CSTF1: variants seen among roughly 807,000 people sequenced by gnomAD.
The protein encoded by CSTF1 is cleavage stimulation factor subunit 1, also known as CF-1 50 kDa subunit.
A neutral mutation model predicts 40.9 loss-of-function variants in CSTF1; 2 were observed. That is an observed-to-expected ratio of 0.05 (90% CI 0.02 to 0.15). CSTF1 has a LOEUF of 0.15. Among genes scored for constraint, CSTF1 ranks in the 10% least tolerant of loss-of-function variants. The probability of loss-of-function intolerance (pLI) is 1.00; values close to 1 mark genes in which losing one functional copy is unlikely to be tolerated. For synonymous variants in CSTF1, 218 were observed against 207.2 expected (o/e 1.05, Z -0.45); for missense variants, 279 against 558.9 (o/e 0.50, Z 5.05).
In CSTF1 at chr20:56,397,273, C is replaced by T; in HGVS notation, c.236C>T (p.Thr79Ile). Residue 79 changes from threonine to isoleucine, a missense_variant, in exon 3 of 6, where the codon ACA (threonine) becomes ATA (isoleucine). Transcript: ENST00000217109. The surrounding 1 kb of genome is among the most constrained non-coding windows in gnomAD (Gnocchi z 4.4). ...IGRSDTVAPG[T>I]GIDLEFDADV... The stretch of plus-strand genomic sequence containing the variant: ...CGTTCAGATACTGTTGCCCCTGGCA[C>T]AGGGATTGACCTGGAATTTGATGCA... 13 of 1,614,232 alleles carry T rather than the reference C, an allele frequency of 8.1e-6. No homozygotes were observed. The highest frequency in any genetic ancestry group is 1.1e-5 in the Non-Finnish European group (13 of 1,180,032).
chr20:56,394,746 A>C (rs1238688564), intron 1 of CSTF1, among the ~76,000 whole-genome samples: 2 of 152,232 alleles, frequency 1.3e-5, no homozygotes, highest in Non-Finnish European at 2.9e-5. Context: ...TTCTTTTTTG[A>C]ATAAGCCAGA....
rs1978639657 is a variant in CSTF1 at position 56,404,842 on chromosome 20, T to TTTTTTTTTTTG, written c.*1119_*1120insTTTTTTGTTTT. ...TTTTTTTTTTTTTTTTTTTTTTGTA[T>TTTTTTTTTTTG]TTTTAGTAGAGCCAGGGTTTCACCA... On this transcript the variant is annotated 3_prime_UTR_variant, in exon 6 of 6. Coordinates refer to ENST00000217109, the MANE Select transcript of CSTF1 (RefSeq NM_001324.3). The TTTTTTTTTTTG allele has an allele frequency of 7.1e-6, 1 of 141,628 alleles. No individual in the cohort carries two copies. The highest frequency in any genetic ancestry group is 2.7e-5 in the African/African-American group (1 of 37,148). 8.8% of individuals were successfully genotyped at this position (141,628 alleles called of 1,614,324 possible).
In CSTF1 at chr20:56,399,488, T is replaced by G. The variant is rs1978361377; in HGVS notation, c.1036+131T>G. The G allele has an allele frequency of 3.5e-6, 3 of 867,422 alleles. No individual in the cohort carries two copies. In the South Asian group the frequency reaches 5.3e-5, roughly 15 times the overall value. 53.7% of individuals were successfully genotyped at this position (867,422 alleles called of 1,614,324 possible). ...AAGGCAGATGTTACCCTTTCTTAGA[T>G]AAGAGGAAACCAAGACTTACAGGTT... On this transcript the variant is annotated intron_variant, in intron 5 of 5. Coordinates refer to ENST00000217109, the MANE Select transcript of CSTF1 (RefSeq NM_001324.3). The surrounding 1 kb of genome is among the most constrained non-coding windows in gnomAD (Gnocchi z 4.6).
In CSTF1 at chr20:56,404,928, G is replaced by C. The variant is rs1316623899; in HGVS notation, c.*1201G>C. 1 of 147,322 alleles carries C rather than the reference G, an allele frequency of 6.8e-6. No homozygotes were observed. The highest frequency in any genetic ancestry group is 2.0e-4 in the East Asian group (1 of 4,974). The allele number at this position is 147,322 out of a possible 1,614,324, so 9.1% of individuals were successfully genotyped here. A position where few individuals can be genotyped will look rare whatever the true frequency, so the allele number is the denominator to read the frequency against. ...GATCCGCCTGCCTCAGCCTCCCAAA[G>C]TTTTGGGATTACAGGCGTGAGCCAC... On this transcript the variant is annotated 3_prime_UTR_variant, in exon 6 of 6. Transcript: ENST00000217109.
chr20:56,393,948 G>A (rs567956836), intron 1 of CSTF1, among the ~76,000 whole-genome samples: 60 of 152,078 alleles, frequency 3.9e-4, no homozygotes, highest in Non-Finnish European at 7.8e-4. Flanking sequence ...TCTTGTTTTG[G>A]GCTGGCATTT....
At position 56,397,126 on chromosome 20, in the gene CSTF1, A is replaced by G. The variant is rs1748418126; in HGVS notation, c.170-81A>G. 6 of 1,454,506 alleles carry G rather than the reference A, an allele frequency of 4.1e-6. No homozygotes were observed. In the South Asian group the frequency reaches 6.6e-5, roughly 16 times the overall value. 90.1% of individuals were successfully genotyped at this position (1,454,506 alleles called of 1,614,324 possible). ...GGTTGACACTGGTGAGCATCTTTCC[A>G]GTTTGGATCTAGAATTTTATCTTGG... On this transcript the variant is annotated intron_variant, in intron 2 of 5. Transcript: ENST00000217109. This position sits in a 1 kb window ranked among gnomAD's most constrained non-coding sequence, Gnocchi z 4.4.
In CSTF1 at chr20:56,405,168, C is replaced by T. The variant is rs928803694; in HGVS notation, c.*1441C>T. 1 of 152,020 alleles carries T rather than the reference C, an allele frequency of 6.6e-6. No homozygotes were observed. Among genetic ancestry groups the T allele is most frequent in the East Asian group, 1.9e-4 (1 of 5,174 alleles). 9.4% of individuals were successfully genotyped at this position (152,020 alleles called of 1,614,324 possible). Reference sequence around the variant, plus strand: ...ATAGTAAATAGATTGAAGTAAAAGTCATTGCTTTATATTATAGGAAGTTTT... The same window carrying T: ...ATAGTAAATAGATTGAAGTAAAAGTTATTGCTTTATATTATAGGAAGTTTT... On this transcript the variant is annotated 3_prime_UTR_variant, in exon 6 of 6. Transcript: ENST00000217109.
intron 2 of CSTF1, 53 bp downstream of exon 2, chr20:56,395,774 C>A (rs769863961): frequency 5.7e-6 from 9 of 1,573,722 alleles, no homozygotes; most frequent in Non-Finnish European, 6.9e-6. Flanking sequence ...TAGATATTTT[C>A]ATATGGCAGA....
chr20:56,397,120 C>T lies in CSTF1; in HGVS notation c.170-87C>T. 7.0e-7 allele frequency: 1 copy of T among 1,420,876 alleles called. No individual in the cohort carries two copies. The highest frequency in any genetic ancestry group is 9.6e-7 in the Non-Finnish European group (1 of 1,039,752). 88.0% of individuals were successfully genotyped at this position (1,420,876 alleles called of 1,614,324 possible). ...ATAGGAGGTTGACACTGGTGAGCAT[C>T]TTTCCAGTTTGGATCTAGAATTTTA... On this transcript the variant is annotated intron_variant, in intron 2 of 5. Transcript: ENST00000217109. The surrounding 1 kb of genome is among the most constrained non-coding windows in gnomAD (Gnocchi z 4.4).
At chr20:56,395,328 C>G (rs1007513718) in intron 1 of CSTF1, among the ~76,000 whole-genome samples, 193 bp from the exon 2 acceptor site, 19 of 152,178 alleles carry the variant, frequency 1.2e-4, no homozygotes, top group African/African-American at 4.6e-4. Flanking sequence ...TATGCACCAC[C>G]GTGTTTAACT....
At chr20:56,396,589 T>C (rs1825708384) in intron 2 of CSTF1, among the ~76,000 whole-genome samples, 1 of 152,200 alleles carries the variant, frequency 6.6e-6, no homozygotes, top group African/African-American at 2.4e-5. Context: ...TCCCTAAGAA[T>C]TTATACCGAT....
intron 5 of CSTF1, among the ~76,000 whole-genome samples, chr20:56,402,140 C>T (rs1237503629): frequency 3.3e-5 from 5 of 152,062 alleles, no homozygotes; most frequent in African/African-American, 1.2e-4. Context: ...AACCCCATCT[C>T]TACTAAAAAT....
At position 56,403,862 on chromosome 20, in the gene CSTF1, T is replaced by C; in HGVS notation, c.*135T>C. 1.1e-6 allele frequency: 1 copy of C among 916,278 alleles called. No individual in the cohort carries two copies. 56.8% of individuals were successfully genotyped at this position (916,278 alleles called of 1,614,324 possible). On this transcript the variant is annotated 3_prime_UTR_variant, in exon 6 of 6. Transcript: ENST00000217109. ...TCTGTCCACATTCTTCTTGGATTTG[T>C]ATAAAAGAATCTTTTTTTACCTTGA...
Position 56,397,884 on chromosome 20 carries a change from C to T in CSTF1, c.645+43C>T, listed in dbSNP as rs528527599. On this transcript the variant is annotated intron_variant, in intron 4 of 5. Coordinates refer to ENST00000217109, the MANE Select transcript of CSTF1 (RefSeq NM_001324.3). The surrounding 1 kb of genome is among the most constrained non-coding windows in gnomAD (Gnocchi z 4.4). ...GGAGCTTTACATTTTTTCTTAAATA[C>T]AATGAGCTATTGTACAACTATTCTC... 902 of 1,426,774 alleles carry T rather than the reference C, an allele frequency of 6.3e-4. 13 individuals carry two copies. The South Asian group carries it at 9.4e-3, about 15-fold the overall frequency. 88.4% of individuals were successfully genotyped at this position (1,426,774 alleles called of 1,614,324 possible). A position where few individuals can be genotyped will look rare whatever the true frequency, so the allele number is the denominator to read the frequency against.
chr20:56,401,546 C>T (rs1330146382), intron 5 of CSTF1, among the ~76,000 whole-genome samples: 2 of 152,186 alleles, frequency 1.3e-5, no homozygotes, highest in African/African-American at 4.8e-5. Context: ...ACTATATCTA[C>T]TCTTAGAAAT....
chr20:56,393,167 CAT>C (rs1491117701), intron 1 of CSTF1, among the ~76,000 whole-genome samples: 3 of 13,918 alleles, frequency 2.2e-4, no homozygotes, highest in Non-Finnish European at 3.9e-4. Context: ...TATACACACA[CAT>C]ATGTGTGTGT....
In CSTF1 at chr20:56,395,733, A is replaced by G. The variant is rs373529842; in HGVS notation, c.169+12A>G. 3.1e-6 allele frequency: 5 copies of G among 1,611,300 alleles called. No homozygotes were observed. The highest frequency in any genetic ancestry group is 3.4e-5 in the Admixed American group (2 of 59,334). ...TCTCATCAAACTCGGTAGATTGTGA[A>G]CACAAATCCATACGTCCCATGGCAA... On this transcript the variant is annotated intron_variant, in intron 2 of 5. Transcript: ENST00000217109.
chr20:56,393,151 C>CAT (rs1157624506), intron 1 of CSTF1, among the ~76,000 whole-genome samples: 1 of 56,452 alleles, frequency 1.8e-5, no homozygotes, highest in Non-Finnish European at 3.8e-5. Context: ...CACACATATA[C>CAT]ATATATATAC....
rs771605318 is a variant in CSTF1 at position 56,399,447 on chromosome 20, T to C, written c.1036+90T>C. ...AAGACCTCACAATAGAGCAACACAA[T>C]ATCTATGCATTGAGCAAGGCAGATG... On this transcript the variant is annotated intron_variant, in intron 5 of 5. Transcript: ENST00000217109. This position sits in a 1 kb window ranked among gnomAD's most constrained non-coding sequence, Gnocchi z 4.6. 1.4e-5 allele frequency: 16 copies of C among 1,145,946 alleles called. No homozygotes were observed. In the Admixed American group the frequency reaches 1.5e-4, roughly 11 times the overall value. The allele number at this position is 1,145,946 out of a possible 1,614,324, so 71.0% of individuals were successfully genotyped here.
Sources: gnomAD v4.1 joint callset for allele counts (sites outside exome capture counted in the v4.1 genomes callset) on GRCh38, gnomAD v4.1.1 for gene constraint, Gnocchi (gnomAD v3.1) non-coding constraint, MANE v1.5 for transcripts, NCBI Gene and HGNC (gene_info 2026-07-23, HGNC 2026-07-21) for gene names.